The following KLF9 variants were observed in gnomAD, a reference collection of about 807,000 sequenced individuals.
KLF9 encodes Krueppel-like factor 9.
A neutral mutation model predicts 17.3 loss-of-function variants in KLF9; 2 were observed. The observed-to-expected ratio is 0.12, with a 90% confidence interval of 0.05 to 0.36. The LOEUF (loss-of-function observed/expected upper bound fraction) is 0.36, where lower values mean the gene tolerates loss of function less well. KLF9 is among the 10% of genes least tolerant of loss of function. The probability of loss-of-function intolerance (pLI) is 1.00; values close to 1 mark genes in which losing one functional copy is unlikely to be tolerated. For missense variants in KLF9, 226 were observed against 333.2 expected, an observed-to-expected ratio of 0.68 and a Z score of 2.51; for synonymous variants, 138 against 139.2, an observed-to-expected ratio of 0.99 and a Z score of 0.06.
At chr9:70,397,660 C>A (rs2118914244) in intron 1 of KLF9, among the ~76,000 whole-genome samples, 2 of 152,270 alleles carry the variant, frequency 1.3e-5, no homozygotes, top group Middle Eastern at 3.4e-3. Context: ...GGTTGCCCAA[C>A]AAAGGAGTGT....
At chr9:70,410,251 T>A (rs1256733835) in intron 1 of KLF9, among the ~76,000 whole-genome samples, 1 of 152,246 alleles carries the variant, frequency 6.6e-6, no homozygotes, top group African/African-American at 2.4e-5. Flanking sequence ...CATGCTATAA[T>A]CCTCTGATTT....
intron 1 of KLF9, among the ~76,000 whole-genome samples, chr9:70,393,338 T>C (rs1490800109): frequency 1.3e-5 from 2 of 152,174 alleles, no homozygotes; most frequent in Non-Finnish European, 2.9e-5. Flanking sequence ...GAAGCCCATT[T>C]TTTTGTGGGC....
Position 70,413,377 on chromosome 9 carries a change from G to A in KLF9, c.-14C>T. On this transcript the variant is annotated 5_prime_UTR_variant, in exon 1 of 2. Coordinates refer to ENST00000377126, the MANE Select transcript of KLF9 (RefSeq NM_001206.4). This position sits in a 1 kb window ranked among gnomAD's most constrained non-coding sequence, Gnocchi z 5.6. ...GGCCGCGGACATGGTGCGGGCGACG[G>A]CAGCCCAGGCGGCGCGGACAAACTT... 6.7e-7 allele frequency: 1 copy of A among 1,488,164 alleles called. No individual in the cohort carries two copies. The highest frequency in any genetic ancestry group is 2.1e-4 in the Middle Eastern group (1 of 4,800). The allele number at this position is 1,488,164 out of a possible 1,614,324, so 92.2% of individuals were successfully genotyped here.
intron 1 of KLF9, among the ~76,000 whole-genome samples, chr9:70,408,238 G>T (rs2037270913): frequency 6.6e-6 from 1 of 152,118 alleles, no homozygotes; most frequent in Non-Finnish European, 1.5e-5. Context: ...AGCCGAGTGT[G>T]GTGGCACACA....
At chr9:70,394,991 T>C (rs2037174837) in intron 1 of KLF9, among the ~76,000 whole-genome samples, 1 of 152,226 alleles carries the variant, frequency 6.6e-6, no homozygotes, top group Admixed American at 6.5e-5. Context: ...CTGAAGTTCA[T>C]TTGGAAGAAT....
Position 70,387,961 on chromosome 9 carries a change from A to G in KLF9, c.550T>C (p.Phe184Leu). 1 of 1,613,936 alleles carries G rather than the reference A, an allele frequency of 6.2e-7. No individual in the cohort carries two copies. The highest frequency in any genetic ancestry group is 8.5e-7 in the Non-Finnish European group (1 of 1,179,986). The stretch of plus-strand genomic sequence containing the variant: ...CGGGTCAGCTCGTCTGAGCGGGAGA[A>G]CTTTTTAAGGCAGTCTGGCCACGTG... ...PCTWPDCLKK[F>L]SRSDELTRHY... Residue 184 changes from phenylalanine to leucine, a missense_variant, in exon 2 of 2, where the codon TTC (phenylalanine) becomes CTC (leucine). Physicochemically the swap from Phe to Leu is conservative, Grantham distance 22. Transcript: ENST00000377126.
chr9:70,389,217 C>CT (rs2037136044), intron 1 of KLF9, among the ~76,000 whole-genome samples: 1 of 152,078 alleles, frequency 6.6e-6, no homozygotes, highest in African/African-American at 2.4e-5. Flanking sequence ...ACAGATATGT[C>CT]TTTCTTTAAT....
At chr9:70,405,850 C>A (rs112532993) in intron 1 of KLF9, among the ~76,000 whole-genome samples, 2 of 152,140 alleles carry the variant, frequency 1.3e-5, no homozygotes, top group Non-Finnish European at 2.9e-5. Flanking sequence ...GACTGCTTGA[C>A]ACTGGGATAA....
At chr9:70,396,013 C>T (rs1425805439) in intron 1 of KLF9, among the ~76,000 whole-genome samples, 5 of 152,048 alleles carry the variant, frequency 3.3e-5, no homozygotes, top group Admixed American at 3.3e-4. Flanking sequence ...ATATTTCATA[C>T]AAAAATATAT....
At chr9:70,406,757 C>T (rs373794257) in intron 1 of KLF9, among the ~76,000 whole-genome samples, 1 of 151,900 alleles carries the variant, frequency 6.6e-6, no homozygotes, top group Non-Finnish European at 1.5e-5. Context: ...CTTCAGTGGG[C>T]GCTGGGCTTG....
Position 70,386,160 on chromosome 9 carries a change from C to G in KLF9, c.*1616G>C, listed in dbSNP as rs556543385. 6.6e-6 allele frequency: 1 copy of G among 152,428 alleles called. No homozygotes were observed. The highest frequency in any genetic ancestry group is 2.4e-5 in the African/African-American group (1 of 41,366). The allele number at this position is 152,428 out of a possible 1,614,324, so 9.4% of individuals were successfully genotyped here. A position where few individuals can be genotyped will look rare whatever the true frequency, so the allele number is the denominator to read the frequency against. On this transcript the variant is annotated 3_prime_UTR_variant, in exon 2 of 2. Transcript: ENST00000377126. ...AATATCAGATAAAATCATCAGAAAG[C>G]GTTACTTCTGAAGAAAAAAAAAATG...
At chr9:70,388,824 G>A (rs1032477424) in intron 1 of KLF9, among the ~76,000 whole-genome samples, 4 of 152,128 alleles carry the variant, frequency 2.6e-5, no homozygotes, top group Non-Finnish European at 5.9e-5. Flanking sequence ...CATACTTTAA[G>A]TCATATTGTC....
At position 70,413,412 on chromosome 9, in the gene KLF9, T is replaced by G. The variant is rs1008380224; in HGVS notation, c.-49A>C. On this transcript the variant is annotated 5_prime_UTR_variant, in exon 1 of 2. Coordinates refer to ENST00000377126, the MANE Select transcript of KLF9 (RefSeq NM_001206.4). The surrounding 1 kb of genome is among the most constrained non-coding windows in gnomAD (Gnocchi z 5.6). ...CGGCGCGGACAAACTTGGCGGTGGC[T>G]GCGGAGGTTCGGCTCGCCCTGCCCT... 1 of 1,447,426 alleles carries G rather than the reference T, an allele frequency of 6.9e-7. No individual in the cohort carries two copies. The highest frequency in any genetic ancestry group is 9.1e-7 in the Non-Finnish European group (1 of 1,102,996). 89.7% of individuals were successfully genotyped at this position (1,447,426 alleles called of 1,614,324 possible).
At chr9:70,405,819 A>T (rs1176980928) in intron 1 of KLF9, among the ~76,000 whole-genome samples, 1 of 152,210 alleles carries the variant, frequency 6.6e-6, no homozygotes, top group East Asian at 1.9e-4. Flanking sequence ...TAATAATGTT[A>T]GTCCTATTAT....
chr9:70,397,229 C>A (rs2037186561), intron 1 of KLF9, among the ~76,000 whole-genome samples: 1 of 152,142 alleles, frequency 6.6e-6, no homozygotes, highest in African/African-American at 2.4e-5. Flanking sequence ...TAATCCAGCA[C>A]TTTGGGAGGC....
chr9:70,387,848 G>A lies in KLF9; in HGVS notation c.663C>T (p.His221=), dbSNP rs769714803. ...GGTGGAACTCGGTGTGCCGCCGGGC[G>A]TGCTTTGTGAGGTGGTCACTCCTCA... ...RFMRSDHLTK[H]ARRHTEFHPS... is the part of the protein sequence containing the mutation. Residue 221 remains histidine, a synonymous_variant, in exon 2 of 2, where the codon CAC becomes CAT. Transcript: ENST00000377126. 23 of 1,612,204 alleles carry A rather than the reference G, an allele frequency of 1.4e-5. No individual in the cohort carries two copies. The East Asian group carries it at 1.8e-4, about 13-fold the overall frequency.
intron 1 of KLF9, among the ~76,000 whole-genome samples, chr9:70,411,980 C>T (rs149027582): frequency 6.6e-6 from 1 of 152,212 alleles, no homozygotes; most frequent in Non-Finnish European, 1.5e-5. Flanking sequence ...CTGGAAGTCT[C>T]CAAAGCCCAT....
chr9:70,402,020 T>A (rs923361784), intron 1 of KLF9, among the ~76,000 whole-genome samples: 5 of 150,612 alleles, frequency 3.3e-5, no homozygotes, highest in South Asian at 2.1e-4. Context: ...TCAAAAAAAA[T>A]AAATAAATAA....
At chr9:70,388,516 A>G (rs2037129649) in intron 1 of KLF9, among the ~76,000 whole-genome samples, 1 of 152,208 alleles carries the variant, frequency 6.6e-6, no homozygotes, top group Non-Finnish European at 1.5e-5. Flanking sequence ...TAACATCTCT[A>G]AGCAAATGAG....
Sources: allele counts gnomAD v4.1 joint callset (sites outside exome capture counted in the v4.1 genomes callset), GRCh38; gene constraint gnomAD v4.1.1; non-coding constraint Gnocchi (gnomAD v3.1); transcripts MANE v1.5; gene names NCBI Gene and HGNC (gene_info 2026-07-23, HGNC 2026-07-21).